The following HCRTR2 variants were observed in gnomAD, a reference collection of about 807,000 sequenced individuals.
HCRTR2 encodes the protein orexin receptor type 2.
HCRTR2 carries 22 observed loss-of-function variants against 49.0 expected under a neutral mutation model. The ratio of observed to expected loss-of-function variants is 0.45; its 90% CI spans 0.32 to 0.64. The LOEUF is 0.64. Among genes scored for constraint, HCRTR2 ranks in the 30% least tolerant of loss-of-function variants. HCRTR2 has a pLI of 0.04. For synonymous variants in HCRTR2, 236 were observed against 205.3 expected (o/e 1.15, Z -1.28); for missense variants, 491 against 559.4 (o/e 0.88, Z 1.23).
intron 1 of HCRTR2, among the ~76,000 whole-genome samples, chr6:55,210,606 A>T (rs1026077663): frequency 6.6e-6 from 1 of 152,108 alleles, no homozygotes; most frequent in Non-Finnish European, 1.5e-5. Context: ...AAAATAAGTA[A>T]ATTAGAACAG....
At chr6:55,210,214 T>A (rs140101789) in intron 1 of HCRTR2, among the ~76,000 whole-genome samples, 6 of 152,304 alleles carry the variant, frequency 3.9e-5, no homozygotes, top group Admixed American at 2.0e-4. Context: ...ATTTAAAGTA[T>A]GTATGCATAC....
intron 1 of HCRTR2, among the ~76,000 whole-genome samples, chr6:55,145,747 A>G (rs1167969719): frequency 6.6e-6 from 1 of 151,580 alleles, no homozygotes; most frequent in African/African-American, 2.4e-5. Flanking sequence ...CCTCCTTTAC[A>G]CTTTCTCCCC....
chr6:55,280,583 T>C, intron 6 of HCRTR2, 139 bp downstream of exon 6: 1 of 1,199,016 alleles, frequency 8.3e-7, no homozygotes, highest in Middle Eastern at 2.6e-4. Context: ...TTGAGTTTCT[T>C]CTCTTTTGAG....
intron 2 of HCRTR2, among the ~76,000 whole-genome samples, chr6:55,251,125 G>T (rs1766541881): frequency 1.3e-5 from 2 of 152,020 alleles, no homozygotes; most frequent in Admixed American, 1.3e-4. Flanking sequence ...TGTAACTAAT[G>T]ACTTATATCC....
intron 1 of HCRTR2, among the ~76,000 whole-genome samples, chr6:55,203,646 A>G (rs578181472): frequency 6.6e-6 from 1 of 152,264 alleles, no homozygotes; most frequent in South Asian, 2.1e-4. Flanking sequence ...TCTCACTGAT[A>G]AGGTGACATT....
At chr6:55,168,550 C>T (rs1764907726) in intron 1 of HCRTR2, among the ~76,000 whole-genome samples, 1 of 152,062 alleles carries the variant, frequency 6.6e-6, no homozygotes, top group Non-Finnish European at 1.5e-5. Context: ...TCAGTTTCTT[C>T]ATTTGTAAAA....
intron 1 of HCRTR2, among the ~76,000 whole-genome samples, chr6:55,108,277 T>A (rs997633303): frequency 1.3e-5 from 2 of 152,060 alleles, no homozygotes; most frequent in African/African-American, 2.4e-5. Context: ...CCCACTCGGA[T>A]GGACAGAACA....
intron 1 of HCRTR2, among the ~76,000 whole-genome samples, chr6:55,224,184 A>G (rs76137252): frequency 0.012 from 1,754 of 152,328 alleles, 38 homozygotes; most frequent in African/African-American, 0.04. Flanking sequence ...GGACTACCAT[A>G]TGGTCTAGCA....
At chr6:55,159,117 G>A (rs1764769753) in intron 1 of HCRTR2, among the ~76,000 whole-genome samples, 1 of 152,126 alleles carries the variant, frequency 6.6e-6, no homozygotes. Context: ...GGAGCAGGCA[G>A]CAATCTTTGC....
chr6:55,277,081 C>T (rs1767090310), intron 4 of HCRTR2, among the ~76,000 whole-genome samples: 1 of 152,172 alleles, frequency 6.6e-6, no homozygotes, highest in South Asian at 2.1e-4. Flanking sequence ...TTATCATTCT[C>T]CTTTCCCAAG....
chr6:55,184,326 C>T (rs1486663897), intron 1 of HCRTR2, among the ~76,000 whole-genome samples: 1 of 152,148 alleles, frequency 6.6e-6, no homozygotes, highest in Non-Finnish European at 1.5e-5. Context: ...CAATATTCTA[C>T]ATGGTTTTTT....
At chr6:55,225,239 T>G (rs912033696) in intron 1 of HCRTR2, among the ~76,000 whole-genome samples, 3 of 152,224 alleles carry the variant, frequency 2.0e-5, no homozygotes, top group African/African-American at 7.2e-5. Flanking sequence ...TATGTTTACA[T>G]AGTATTTCTT....
intron 1 of HCRTR2, among the ~76,000 whole-genome samples, chr6:55,165,293 C>G (rs537112286): frequency 1.8e-4 from 27 of 151,964 alleles, no homozygotes; most frequent in Non-Finnish European, 3.1e-4. Context: ...TATCAGTATT[C>G]AAATACAAGG....
Position 55,233,688 on chromosome 6 carries a change from C to T in HCRTR2, c.224-14951C>T, listed in dbSNP as rs530622647. Among the ~76,000 whole-genome samples the T allele has an allele frequency of 7.7e-4, 111 of 143,316 alleles. 1 individual carries two copies. Among genetic ancestry groups the T allele is most frequent in the Middle Eastern group, 3.8e-3 (1 of 266 alleles). The allele number at this position is 143,316 out of a possible 152,430, so 94.0% of individuals were successfully genotyped here. Reference sequence around the variant, plus strand: ...CTAGCCTGGGCAAAAGAGCAAGACCCTGTCTCTAAAGAATAACAAATAAAT... The same window carrying T: ...CTAGCCTGGGCAAAAGAGCAAGACCTTGTCTCTAAAGAATAACAAATAAAT... On this transcript the variant is annotated intron_variant, in intron 1 of 6. Coordinates refer to ENST00000370862, the MANE Select transcript of HCRTR2 (RefSeq NM_001384272.1).
intron 1 of HCRTR2, among the ~76,000 whole-genome samples, chr6:55,121,983 G>T (rs918138691): frequency 2.6e-5 from 4 of 152,168 alleles, no homozygotes; most frequent in Admixed American, 2.0e-4. Context: ...CTCATAAAAT[G>T]AGTTAGGGAG....
intron 1 of HCRTR2, among the ~76,000 whole-genome samples, chr6:55,119,731 C>T (rs955393815): frequency 3.3e-5 from 5 of 151,624 alleles, no homozygotes; most frequent in African/African-American, 1.2e-4. Flanking sequence ...CCTGTTCACT[C>T]TGATGATAGT....
intron 1 of HCRTR2, among the ~76,000 whole-genome samples, chr6:55,245,361 ATG>A (rs1191424861): frequency 4.5e-5 from 6 of 133,278 alleles, no homozygotes; most frequent in Admixed American, 7.5e-5. Flanking sequence ...AAGGGAACCG[ATG>A]TGTGTGTGTA....
At chr6:55,271,080 G>A (rs1267176836) in intron 4 of HCRTR2, among the ~76,000 whole-genome samples, 1 of 151,952 alleles carries the variant, frequency 6.6e-6, no homozygotes, top group Non-Finnish European at 1.5e-5. Context: ...GAAATGCAAG[G>A]GATAGAGAAG....
intron 1 of HCRTR2, among the ~76,000 whole-genome samples, chr6:55,225,807 C>T (rs1765992900): frequency 6.6e-6 from 1 of 152,168 alleles, no homozygotes; most frequent in South Asian, 2.1e-4. Context: ...AGTATAATTT[C>T]CATCAACTCC....
Sources: gnomAD v4.1 joint callset for allele counts (sites outside exome capture counted in the v4.1 genomes callset) on GRCh38, gnomAD v4.1.1 for gene constraint, MANE v1.5 for transcripts, NCBI Gene and HGNC (gene_info 2026-07-23, HGNC 2026-07-21) for gene names.